The following LGSN variants were observed in gnomAD, a reference collection of about 807,000 sequenced individuals.
The protein encoded by LGSN is lengsin.
A neutral mutation model predicts 19.5 loss-of-function variants in LGSN; 21 were observed. The observed-to-expected ratio is 1.07, with a 90% CI of 0.76 to 1.55. The LOEUF (loss-of-function observed/expected upper bound fraction) is 1.55. LGSN is among the 40% of genes most tolerant of loss of function. LGSN has a pLI of 0.00. For synonymous variants in LGSN, 257 were observed against 215.6 expected, an observed-to-expected ratio of 1.19 and a Z score of -1.68; for missense variants, 673 against 608.5, an observed-to-expected ratio of 1.11 and a Z score of -1.12.
chr6:63,508,443 A>G, the LGSN span, among the ~76,000 whole-genome samples: 1 of 152,224 alleles, frequency 6.6e-6, no homozygotes, highest in Non-Finnish European at 1.5e-5. Context: ...AAAAAGTTGT[A>G]TGAATTTATG....
the LGSN span, among the ~76,000 whole-genome samples, chr6:63,363,335 C>A: frequency 5.0e-4 from 76 of 152,316 alleles, 1 homozygote; most frequent in African/African-American, 1.8e-3. Context: ...CAGAACAAAG[C>A]TGGACAGAGA....
the LGSN span, among the ~76,000 whole-genome samples, chr6:63,426,514 T>C: frequency 7.2e-5 from 11 of 152,152 alleles, no homozygotes; most frequent in Admixed American, 7.2e-4. Flanking sequence ...TTTATTTATT[T>C]ATTTATTTAT....
At chr6:63,441,488 A>T in the LGSN span, 2 of 430,576 alleles carry the variant, frequency 4.6e-6, no homozygotes, top group Non-Finnish European at 9.0e-6. Context: ...TGGAAACAGC[A>T]TGCAAACAAG....
At chr6:63,440,051 G>C in the LGSN span, among the ~76,000 whole-genome samples, 1 of 152,036 alleles carries the variant, frequency 6.6e-6, no homozygotes, top group Non-Finnish European at 1.5e-5. Flanking sequence ...ACAAACATAG[G>C]TTCCTCCACC....
intron 1 of LGSN, among the ~76,000 whole-genome samples, chr6:63,306,765 A>G (rs1004816235): frequency 3.9e-5 from 6 of 152,232 alleles, no homozygotes; most frequent in African/African-American, 1.4e-4. Context: ...AGCCCTTCCC[A>G]GGAAGGAGCC....
At chr6:63,405,818 A>G in the LGSN span, among the ~76,000 whole-genome samples, 1 of 152,210 alleles carries the variant, frequency 6.6e-6, no homozygotes, top group Non-Finnish European at 1.5e-5. Flanking sequence ...CTCAAAATAA[A>G]AGGAGGGAGG....
chr6:63,454,610 T>TACAGGCGCCCGCCACC, the LGSN span, among the ~76,000 whole-genome samples: 2 of 151,294 alleles, frequency 1.3e-5, no homozygotes, highest in African/African-American at 4.9e-5. Flanking sequence ...TAGCTGAGAT[T>TACAGGCGCCCGCCACC]ACAGGCGCCC....
At chr6:63,512,159 C>T in the LGSN span, among the ~76,000 whole-genome samples, 1 of 151,620 alleles carries the variant, frequency 6.6e-6, no homozygotes, top group Non-Finnish European at 1.5e-5. Flanking sequence ...CTCGGCTCAC[C>T]GCAACCTCTG....
chr6:63,473,455 C>T, the LGSN span, among the ~76,000 whole-genome samples: 2 of 106,340 alleles, frequency 1.9e-5, no homozygotes, highest in Non-Finnish European at 3.4e-5. Context: ...GCCTGGGTAA[C>T]AGAGCGACAC....
At position 63,294,926 on chromosome 6, in the gene LGSN, C is replaced by T. The variant is rs777534172; in HGVS notation, c.150G>A (p.Met50Ile). The T allele has an allele frequency of 6.2e-7, 1 of 1,613,894 alleles. No individual in the cohort carries two copies. The highest frequency in any genetic ancestry group is 8.5e-7 in the Non-Finnish European group (1 of 1,179,876). ...VCSTEVGETD[M>I]SNSNDCMRDS... ...GTAGTTAGATACCATTTGAATTGGACATATCCGTTTCTCCCACTTCAGTTG... is the reference window on the plus strand; with the variant it reads ...GTAGTTAGATACCATTTGAATTGGATATATCCGTTTCTCCCACTTCAGTTG... The change falls in exon 2 of 4, where the codon ATG (methionine) becomes ATA (isoleucine). Residue 50 changes from methionine (M) to isoleucine (I), a missense_variant. Coordinates refer to ENST00000370657, the MANE Select transcript of LGSN (RefSeq NM_016571.3).
the LGSN span, among the ~76,000 whole-genome samples, chr6:63,375,761 A>G: frequency 6.6e-6 from 1 of 152,186 alleles, no homozygotes; most frequent in Admixed American, 6.5e-5. Context: ...GAAAAACAAG[A>G]GAGAAAGATA....
chr6:63,449,964 T>C, the LGSN span, among the ~76,000 whole-genome samples: 1 of 151,988 alleles, frequency 6.6e-6, no homozygotes, highest in Non-Finnish European at 1.5e-5. Flanking sequence ...TGGAGAAGCA[T>C]GTATCTGAAT....
chr6:63,278,868 C>T lies in LGSN; in HGVS notation c.*1153G>A, dbSNP rs1767180341. The T allele has an allele frequency of 6.6e-6, 1 of 152,100 alleles. No homozygotes were observed. Among genetic ancestry groups the T allele is most frequent in the Non-Finnish European group, 1.5e-5 (1 of 68,014 alleles). 9.4% of individuals were successfully genotyped at this position (152,100 alleles called of 1,614,324 possible). On this transcript the variant is annotated 3_prime_UTR_variant, in exon 4 of 4. Transcript: ENST00000370657. ...AGAGGATCTGAGCCAAATTCTAATC[C>T]TCTGCTTGTGCAATTGCTATCTAAA...
At chr6:63,330,803 C>T in the LGSN span, among the ~76,000 whole-genome samples, 1 of 152,198 alleles carries the variant, frequency 6.6e-6, no homozygotes, top group African/African-American at 2.4e-5. Context: ...GACTAAGCTA[C>T]CATGTATCTC....
At chr6:63,472,225 T>C in the LGSN span, among the ~76,000 whole-genome samples, 1 of 152,244 alleles carries the variant, frequency 6.6e-6, no homozygotes, top group East Asian at 1.9e-4. Context: ...CCCTTCAGCC[T>C]ACATTTGGTT....
At chr6:63,363,454 A>G in the LGSN span, among the ~76,000 whole-genome samples, 538 of 152,252 alleles carry the variant, frequency 3.5e-3, 4 homozygotes, top group African/African-American at 0.012. Flanking sequence ...AACCTTGAAA[A>G]AAGATTAGAT....
At chr6:63,518,141 G>A in the LGSN span, among the ~76,000 whole-genome samples, 26 of 142,018 alleles carry the variant, frequency 1.8e-4, no homozygotes, top group Non-Finnish European at 3.5e-4. Flanking sequence ...GCAACACAGT[G>A]AGACTCCGTC....
At chr6:63,464,775 C>CCAGCA in the LGSN span, among the ~76,000 whole-genome samples, 3 of 151,724 alleles carry the variant, frequency 2.0e-5, no homozygotes, top group African/African-American at 7.3e-5. Context: ...GCCTGTAATC[C>CCAGCA]CAGCACTTTG....
the LGSN span, among the ~76,000 whole-genome samples, chr6:63,471,145 T>G: frequency 2.3e-4 from 34 of 150,674 alleles, no homozygotes; most frequent in Non-Finnish European, 8.9e-5. Flanking sequence ...TTTTTTTTTG[T>G]TTGTTTGTTT....
Sources: gnomAD v4.1 joint callset for allele counts (sites outside exome capture counted in the v4.1 genomes callset) on GRCh38, gnomAD v4.1.1 for gene constraint, MANE v1.5 for transcripts, NCBI Gene and HGNC (gene_info 2026-07-23, HGNC 2026-07-21) for gene names.